Variants in RBFOX1 observed in about 807,000 individuals in gnomAD.
The protein encoded by RBFOX1 is RNA binding protein fox-1 homolog 1.
In RBFOX1, 8 loss-of-function variants were observed where a neutral mutation model predicts 57.7. The observed-to-expected ratio is 0.14, with a 90% CI of 0.08 to 0.25. RBFOX1 has a LOEUF of 0.25. Among genes scored for constraint, RBFOX1 ranks in the 10% least tolerant of loss-of-function variants. RBFOX1 has a pLI of 1.00. For missense variants in RBFOX1, 611 were observed against 548.5 expected, an observed-to-expected ratio of 1.11 and a Z score of -1.14; for synonymous variants, 326 against 222.4, an observed-to-expected ratio of 1.47 and a Z score of -4.15.
chr16:7,390,975 A>G (rs756196266), intron 4 of RBFOX1, among the ~76,000 whole-genome samples: 4 of 152,016 alleles, frequency 2.6e-5, no homozygotes, highest in Non-Finnish European at 4.4e-5. Flanking sequence ...TGGAACAGGG[A>G]GTTTCCTGGA....
chr16:5,798,813 A>G (rs984204085), intron 3 of RBFOX1, among the ~76,000 whole-genome samples: 11 of 152,168 alleles, frequency 7.2e-5, no homozygotes, highest in Admixed American at 6.5e-5. Flanking sequence ...GGTTCCTCCC[A>G]GGTGCTTGCC....
At chr16:6,603,377 C>G (rs995938723) in intron 2 of RBFOX1, among the ~76,000 whole-genome samples, 11 of 152,174 alleles carry the variant, frequency 7.2e-5, no homozygotes, top group Non-Finnish European at 1.0e-4. Context: ...TTAAGGGAAT[C>G]TGTTTCTTAA....
Position 7,252,736 on chromosome 16 carries a change from G to A in RBFOX1, c.27+200638G>A, listed in dbSNP as rs1360010066. 8.6e-5 allele frequency among the ~76,000 whole-genome samples: 13 copies of A among 150,888 alleles called. No individual in the cohort carries two copies. The East Asian group carries it at 2.5e-3, about 30-fold the overall frequency. On this transcript the variant is annotated intron_variant, in intron 4 of 15. Coordinates refer to ENST00000550418, the MANE Select transcript of RBFOX1 (RefSeq NM_018723.4). ...AAATTTGAGTCACCCAACGCTAAAGGTATTTAGGTTGGCTATTATTATTTC... is the reference window on the plus strand; with the variant it reads ...AAATTTGAGTCACCCAACGCTAAAGATATTTAGGTTGGCTATTATTATTTC...
intron 3 of RBFOX1, among the ~76,000 whole-genome samples, chr16:6,841,253 C>G (rs935961506): frequency 6.6e-6 from 1 of 152,142 alleles, no homozygotes; most frequent in African/African-American, 2.4e-5. Context: ...CCATTATACT[C>G]AGGTTCTTTT....
intron 3 of RBFOX1, among the ~76,000 whole-genome samples, chr16:5,814,135 C>A (rs2055534950): frequency 6.6e-6 from 1 of 152,280 alleles, no homozygotes; most frequent in East Asian, 1.9e-4. Flanking sequence ...CTTCCCCTCT[C>A]CAAAATCCTG....
chr16:7,447,450 A>G (rs1045777746), intron 4 of RBFOX1, among the ~76,000 whole-genome samples: 2 of 148,408 alleles, frequency 1.3e-5, no homozygotes, highest in African/African-American at 5.0e-5. Context: ...AAAAAAAAAA[A>G]GAGAGATTCC....
At chr16:6,740,968 G>A (rs888225593) in intron 3 of RBFOX1, among the ~76,000 whole-genome samples, 1 of 152,166 alleles carries the variant, frequency 6.6e-6, no homozygotes, top group African/African-American at 2.4e-5. Flanking sequence ...CTAGTTTCAA[G>A]ACGTTATGTA....
At chr16:6,081,648 G>A (rs1432794645) in intron 1 of RBFOX1, among the ~76,000 whole-genome samples, 1 of 152,174 alleles carries the variant, frequency 6.6e-6, no homozygotes, top group Non-Finnish European at 1.5e-5. Context: ...TTCATGTGAG[G>A]TTGGCTGATT....
At chr16:5,444,031 A>G (rs1477609937) in intron 1 of RBFOX1, among the ~76,000 whole-genome samples, 1 of 152,158 alleles carries the variant, frequency 6.6e-6, no homozygotes, top group African/African-American at 2.4e-5. Flanking sequence ...TTTTCAGCCC[A>G]TTCCAGTAAA....
intron 3 of RBFOX1, among the ~76,000 whole-genome samples, chr16:6,982,269 T>C (rs1484119436): frequency 6.6e-6 from 1 of 152,208 alleles, no homozygotes; most frequent in Non-Finnish European, 1.5e-5. Context: ...AAAACCCTTT[T>C]CCAGGTAACA....
At chr16:6,206,309 C>T (rs2097255177) in intron 1 of RBFOX1, among the ~76,000 whole-genome samples, 1 of 152,094 alleles carries the variant, frequency 6.6e-6, no homozygotes, top group Non-Finnish European at 1.5e-5. Flanking sequence ...CTTACTTTGC[C>T]AAGCTAGTTA....
At chr16:5,307,488 C>G (rs1839162047) in intron 1 of RBFOX1, among the ~76,000 whole-genome samples, 1 of 152,138 alleles carries the variant, frequency 6.6e-6, no homozygotes, top group African/African-American at 2.4e-5. Flanking sequence ...TCTCTTACCA[C>G]TTCCCCTCCT....
At chr16:5,310,457 A>G (rs952291555) in intron 1 of RBFOX1, among the ~76,000 whole-genome samples, 2 of 152,122 alleles carry the variant, frequency 1.3e-5, no homozygotes, top group Non-Finnish European at 2.9e-5. Flanking sequence ...CCCAGCTTCA[A>G]CATTTTCCAG....
At chr16:6,095,430 C>A (rs113253774) in intron 1 of RBFOX1, among the ~76,000 whole-genome samples, 1 of 151,530 alleles carries the variant, frequency 6.6e-6, no homozygotes, top group African/African-American at 2.4e-5. Context: ...CTGATTGGAC[C>A]CTTGGGGGAT....
At chr16:5,379,985 C>G (rs1225758367) in intron 1 of RBFOX1, among the ~76,000 whole-genome samples, 1 of 152,188 alleles carries the variant, frequency 6.6e-6, no homozygotes, top group African/African-American at 2.4e-5. Flanking sequence ...TGGCTGTGAA[C>G]CTGGGAGCCT....
At chr16:5,664,946 C>A (rs868469254) in intron 3 of RBFOX1, among the ~76,000 whole-genome samples, 130 of 144,254 alleles carry the variant, frequency 9.0e-4, no homozygotes, top group Middle Eastern at 3.5e-3. Flanking sequence ...GTTATCTCTG[C>A]TCTTTTTTTT....
At chr16:7,420,869 A>G (rs572641827) in intron 4 of RBFOX1, among the ~76,000 whole-genome samples, 1 of 148,312 alleles carries the variant, frequency 6.7e-6, no homozygotes, top group East Asian at 2.0e-4. Context: ...TTTCAAATCT[A>G]TATATCTTTT....
Position 7,710,638 on chromosome 16 carries a change from TTGAC to T in RBFOX1, c.1091_1094del (p.Thr364MetfsTer35). On this transcript the variant is annotated frameshift_variant, in exon 16 of 16. Transcript: ENST00000550418. LOFTEE classifies it high-confidence loss of function. ...TTTGTTTCAGAATGCTTTTGCACCT[TTGAC>T]TGATGCCAAGACTAGGAGCCATGCT... is the stretch of plus-strand genomic sequence containing the variant. 6.2e-7 allele frequency: 1 copy of T among 1,613,468 alleles called. No homozygotes were observed. Among genetic ancestry groups the T allele is most frequent in the Non-Finnish European group, 8.5e-7 (1 of 1,179,780 alleles).
At chr16:5,891,554 G>A (rs532029824) in intron 4 of RBFOX1, among the ~76,000 whole-genome samples, 48 of 152,252 alleles carry the variant, frequency 3.2e-4, no homozygotes, top group African/African-American at 9.6e-4. Context: ...CCGAGAGCCC[G>A]CTTAATTGGA....
Sources: gnomAD v4.1 joint callset for allele counts (sites outside exome capture counted in the v4.1 genomes callset) on GRCh38, gnomAD v4.1.1 for gene constraint, MANE v1.5 for transcripts, NCBI Gene and HGNC (gene_info 2026-07-23, HGNC 2026-07-21) for gene names.